Variants in SLC38A9 observed in about 807,000 individuals in gnomAD.
The protein encoded by SLC38A9 is solute carrier family 38 member 9, also known as neutral amino acid transporter 9.
SLC38A9 carries 48 observed loss-of-function variants against 62.3 expected under a neutral mutation model. The ratio of observed to expected loss-of-function variants is 0.77; its 90% CI spans 0.61 to 0.98. SLC38A9 has a LOEUF of 0.98. Ranked by LOEUF, SLC38A9 falls within the 50% of genes least tolerant of loss-of-function variation. The probability of loss-of-function intolerance (pLI) is 0.00; values close to 1 mark genes in which losing one functional copy is unlikely to be tolerated. For synonymous variants in SLC38A9, 204 were observed against 227.7 expected, an observed-to-expected ratio of 0.90 and a Z score of 0.94; for missense variants, 541 against 679.8, an observed-to-expected ratio of 0.80 and a Z score of 2.27.
chr5:55,649,527 G>C (rs1462165881), intron 10 of SLC38A9, among the ~76,000 whole-genome samples: 1 of 152,032 alleles, frequency 6.6e-6, no homozygotes, highest in Non-Finnish European at 1.5e-5. Flanking sequence ...GTAGGCCTAA[G>C]AAGAACCAGA....
In SLC38A9 at chr5:55,664,738, C is replaced by T. The variant is rs141328492; in HGVS notation, c.652G>A (p.Val218Met). 2.1e-5 allele frequency: 33 copies of T among 1,574,384 alleles called. No homozygotes were observed. The highest frequency in any genetic ancestry group is 2.4e-5 in the Non-Finnish European group (28 of 1,166,282). Residue 218 changes from valine to methionine, a missense_variant, in exon 8 of 16, where the codon GTG becomes ATG. By Grantham distance (21) the Val-to-Met change is conservative. Transcript: ENST00000396865. ...SLIGAMIVYW[V>M]LMSNFLFNTG... ...TTAAAAAGAAAATTTGACATAAGCA[C>T]CCAATAAACTATCATTGCTCCAATG...
intron 3 of SLC38A9, among the ~76,000 whole-genome samples, chr5:55,673,656 C>G (rs902649602): frequency 4.0e-5 from 6 of 150,772 alleles, no homozygotes; most frequent in African/African-American, 1.5e-4. Flanking sequence ...CTGAAAGGAA[C>G]TTAAAATGTA....
intron 2 of SLC38A9, among the ~76,000 whole-genome samples, chr5:55,708,503 A>G (rs1354390543): frequency 1.3e-5 from 2 of 152,254 alleles, no homozygotes; most frequent in African/African-American, 4.8e-5. Flanking sequence ...ATGTCTTTTC[A>G]CAATTCTTTG....
chr5:55,642,297 A>G (rs13177972), intron 12 of SLC38A9, among the ~76,000 whole-genome samples: 7,442 of 152,302 alleles, frequency 0.049, 311 homozygotes, highest in African/African-American at 0.11. Context: ...CGCCCGCCTC[A>G]GCTTCCCAAA....
At chr5:55,648,274 T>A (rs2150151785) in intron 11 of SLC38A9, among the ~76,000 whole-genome samples, 1 of 152,296 alleles carries the variant, frequency 6.6e-6, no homozygotes, top group South Asian at 2.1e-4. Context: ...ATTTTATTTA[T>A]CCATTTGTTA....
chr5:55,661,868 C>T (rs916112966), intron 8 of SLC38A9, among the ~76,000 whole-genome samples: 1 of 152,022 alleles, frequency 6.6e-6, no homozygotes, highest in Non-Finnish European at 1.5e-5. Flanking sequence ...GAAAAATGGG[C>T]AAAGGATATG....
chr5:55,679,841 G>A (rs1364415736), intron 3 of SLC38A9, among the ~76,000 whole-genome samples: 3 of 152,082 alleles, frequency 2.0e-5, no homozygotes, highest in African/African-American at 7.2e-5. Flanking sequence ...TTCCCAAGTG[G>A]GAAAGTTTTC....
In SLC38A9 at chr5:55,635,545, T is replaced by A; in HGVS notation, c.1280A>T (p.Gln427Leu). The change falls in exon 13 of 16, where the codon CAG becomes CTG. Residue 427 changes from glutamine (Q) to leucine (L), a missense_variant and splice_region_variant. Physicochemically the swap from Gln to Leu is moderately radical, Grantham distance 113. Coordinates refer to ENST00000396865, the MANE Select transcript of SLC38A9 (RefSeq NM_173514.4). ...CAGAGAGGGTACACGGTGCCTTACC[T>A]GCTCAATACAATCTTTGGATAATGG... Reference protein sequence around the residue: ...SPPLSKDCIEQNFLDNFPSSD... With the variant: ...SPPLSKDCIELNFLDNFPSSD... 1 of 1,605,918 alleles carries A rather than the reference T, an allele frequency of 6.2e-7. No individual in the cohort carries two copies. The highest frequency in any genetic ancestry group is 8.5e-7 in the Non-Finnish European group (1 of 1,172,626).
intron 8 of SLC38A9, among the ~76,000 whole-genome samples, chr5:55,659,687 C>A (rs997706203): frequency 2.6e-5 from 4 of 151,690 alleles, no homozygotes; most frequent in Non-Finnish European, 5.9e-5. Context: ...TAAGCCCAAA[C>A]AGAAAGCTTT....
intron 2 of SLC38A9, among the ~76,000 whole-genome samples, chr5:55,706,164 A>G (rs1757270331): frequency 6.6e-6 from 1 of 152,202 alleles, no homozygotes; most frequent in African/African-American, 2.4e-5. Flanking sequence ...CTCAAGGCTC[A>G]ATATTTCCTT....
At chr5:55,711,175 C>A (rs1757984040) in intron 2 of SLC38A9, among the ~76,000 whole-genome samples, 1 of 151,578 alleles carries the variant, frequency 6.6e-6, no homozygotes. Flanking sequence ...CAGCTGTAAT[C>A]CTAGCTACTC....
Position 55,633,834 on chromosome 5 carries a change from C to G in SLC38A9, c.1350G>C (p.Gln450His), listed in dbSNP as rs779985823. ...SFIARIFLLF[Q>H]MMTVYPLLGY... Reference sequence around the variant, plus strand: ...CTAAGAGTGGGTATACAGTCATCATCTGGAACAGCAGGAATATCCTTGCAA... The same window carrying G: ...CTAAGAGTGGGTATACAGTCATCATGTGGAACAGCAGGAATATCCTTGCAA... The change falls in exon 14 of 16, where the codon CAG becomes CAC. Residue 450 changes from glutamine (Q) to histidine (H), a missense_variant. By Grantham distance (24) the Gln-to-His change is conservative. Coordinates refer to ENST00000396865, the MANE Select transcript of SLC38A9 (RefSeq NM_173514.4). 3 of 1,614,070 alleles carry G rather than the reference C, an allele frequency of 1.9e-6. No individual in the cohort carries two copies. The highest frequency in any genetic ancestry group is 2.5e-6 in the Non-Finnish European group (3 of 1,179,980).
chr5:55,631,230 C>G (rs1399519185), intron 14 of SLC38A9, among the ~76,000 whole-genome samples: 1 of 152,148 alleles, frequency 6.6e-6, no homozygotes, highest in Non-Finnish European at 1.5e-5. Context: ...GTCCTCAATA[C>G]ATTTTTAAGA....
chr5:55,652,357 CAAA>C (rs60557392), intron 10 of SLC38A9, among the ~76,000 whole-genome samples, 169 bp downstream of exon 10: 3 of 56,180 alleles, frequency 5.3e-5, no homozygotes, highest in Admixed American at 2.6e-4. Flanking sequence ...AACTCCGTCT[CAAA>C]AAAAAAAAAA....
At chr5:55,636,072 C>T (rs1305336413) in intron 12 of SLC38A9, among the ~76,000 whole-genome samples, 3 of 152,224 alleles carry the variant, frequency 2.0e-5, no homozygotes, top group East Asian at 3.9e-4. Flanking sequence ...TTTAAAAATT[C>T]GTCCTTTGGT....
At position 55,645,677 on chromosome 5, in the gene SLC38A9, A is replaced by G. The variant is rs1580138029; in HGVS notation, c.1167+112T>C. The G allele has an allele frequency of 9.4e-6, 7 of 745,420 alleles. No individual in the cohort carries two copies. In the East Asian group the frequency reaches 1.9e-4, roughly 21 times the overall value. The allele number at this position is 745,420 out of a possible 1,614,324, so 46.2% of individuals were successfully genotyped here. A position where few individuals can be genotyped will look rare whatever the true frequency, so the allele number is the denominator to read the frequency against. ...CTATGGTTTAAGTTTAAAAATTAAG[A>G]TCTTGTAACAAAATTGCCTAATTGT... On this transcript the variant is annotated intron_variant, in intron 12 of 15. Coordinates refer to ENST00000396865, the MANE Select transcript of SLC38A9 (RefSeq NM_173514.4).
At chr5:55,628,379 A>G (rs1247789136) in intron 14 of SLC38A9, among the ~76,000 whole-genome samples, 1 of 152,204 alleles carries the variant, frequency 6.6e-6, no homozygotes, top group African/African-American at 2.4e-5. Context: ...TATGTTAAAA[A>G]TTATTTAAAA....
At chr5:55,703,061 G>A (rs1274049251) in intron 2 of SLC38A9, among the ~76,000 whole-genome samples, 4 of 152,078 alleles carry the variant, frequency 2.6e-5, no homozygotes, top group Non-Finnish European at 5.9e-5. Flanking sequence ...ATTTTAAGAT[G>A]TGACAACTAA....
At chr5:55,691,164 C>T in intron 3 of SLC38A9, 1 of 783,934 alleles carries the variant, frequency 1.3e-6, no homozygotes, top group South Asian at 1.4e-5. Flanking sequence ...AATCTTGAAA[C>T]TTTTGGTTAG....
Sources: gnomAD v4.1 joint callset for allele counts (sites outside exome capture counted in the v4.1 genomes callset) on GRCh38, gnomAD v4.1.1 for gene constraint, MANE v1.5 for transcripts, NCBI Gene and HGNC (gene_info 2026-07-23, HGNC 2026-07-21) for gene names.